Variants in ADAM22 observed in about 807,000 individuals in gnomAD.
The protein encoded by ADAM22 is ADAM metallopeptidase domain 22.
A neutral mutation model predicts 144.6 loss-of-function variants in ADAM22; 65 were observed. That is an observed-to-expected ratio of 0.45 (90% CI 0.37 to 0.55). ADAM22 has a LOEUF of 0.55. Among genes scored for constraint, ADAM22 ranks in the 20% least tolerant of loss-of-function variants. ADAM22 has a pLI of 0.00. For synonymous variants in ADAM22, 391 were observed against 412.6 expected (o/e 0.95, Z 0.63); for missense variants, 974 against 1,184.9 (o/e 0.82, Z 2.61).
intron 5 of ADAM22, 127 bp downstream of exon 5, chr7:88,108,385 ATTTT>A (rs373263735): frequency 1.4e-6 from 1 of 692,688 alleles, no homozygotes; most frequent in African/African-American, 1.9e-5. Context: ...GATGGATCTG[ATTTT>A]TTTTTTCTCT....
At position 88,062,358 on chromosome 7, in the gene ADAM22, A is replaced by C. The variant is rs149089624; in HGVS notation, c.324-13268A>C. Among the ~76,000 whole-genome samples the C allele has an allele frequency of 1.5e-3, 227 of 152,322 alleles. 1 individual carries two copies. The highest frequency in any genetic ancestry group is 2.5e-3 in the Non-Finnish European group (172 of 68,032). ...TTTACCTTGTAATTTTATATTGTGG[A>C]GACTGCTTCCTTCTTTAAACCTCAT... On this transcript the variant is annotated intron_variant, in intron 3 of 31. Transcript: ENST00000413139.
rs2129475372 is a variant in ADAM22, at chr7:88,054,511, C to T, written c.324-21115C>T. On this transcript the variant is annotated intron_variant, in intron 3 of 31. Transcript: ENST00000413139. ...AGACTCAGATCTATCATACATTCAT[C>T]TTAGAAACATCCTTGCTCCATAATC... 2.0e-5 allele frequency among the ~76,000 whole-genome samples: 3 copies of T among 152,046 alleles called. No homozygotes were observed. In the Middle Eastern group the frequency reaches 0.01, roughly 517 times the overall value.
intron 2 of ADAM22, among the ~76,000 whole-genome samples, chr7:87,971,919 G>A (rs886682370): frequency 2.0e-4 from 31 of 152,144 alleles, no homozygotes; most frequent in Non-Finnish European, 4.4e-4. Context: ...GGCCGGGTGC[G>A]GTGGCTCATG....
At chr7:88,091,285 T>C (rs1356908252) in intron 4 of ADAM22, among the ~76,000 whole-genome samples, 1 of 152,198 alleles carries the variant, frequency 6.6e-6, no homozygotes, top group Admixed American at 6.6e-5. Flanking sequence ...TTTTAGTTAA[T>C]GACACTCATC....
intron 4 of ADAM22, among the ~76,000 whole-genome samples, chr7:88,082,690 C>T (rs560800083): frequency 1.3e-4 from 20 of 152,288 alleles, no homozygotes; most frequent in African/African-American, 4.8e-4. Flanking sequence ...TATGAACAGA[C>T]ACTTCTCAAA....
At chr7:88,196,013 G>T (rs755753948) in intron 31 of ADAM22, among the ~76,000 whole-genome samples, 1 of 152,222 alleles carries the variant, frequency 6.6e-6, no homozygotes. Flanking sequence ...TTTTGATTTA[G>T]TTGGTCTGGT....
chr7:87,976,638 C>A (rs539973597), intron 2 of ADAM22, among the ~76,000 whole-genome samples: 7 of 152,118 alleles, frequency 4.6e-5, no homozygotes, highest in Admixed American at 1.3e-4. Context: ...TGAGTAGGGC[C>A]GTTTCTGGGA....
chr7:88,184,216 C>A, intron 29 of ADAM22: 1 of 215,048 alleles, frequency 4.7e-6, no homozygotes, highest in South Asian at 4.8e-5. Context: ...AAAACTTTTG[C>A]ATCTTCCTCA....
At chr7:87,942,100 A>G (rs1447285914) in intron 2 of ADAM22, among the ~76,000 whole-genome samples, 2 of 152,160 alleles carry the variant, frequency 1.3e-5, no homozygotes, top group Non-Finnish European at 2.9e-5. Context: ...CCCAAAGGGA[A>G]AGAAGATAGA....
At chr7:87,977,538 C>T (rs1331737922) in intron 2 of ADAM22, among the ~76,000 whole-genome samples, 2 of 152,178 alleles carry the variant, frequency 1.3e-5, no homozygotes, top group East Asian at 3.8e-4. Flanking sequence ...AATTTGGAGT[C>T]CTACTGTTTG....
At chr7:88,094,765 T>C (rs1284368643) in intron 4 of ADAM22, among the ~76,000 whole-genome samples, 1 of 152,184 alleles carries the variant, frequency 6.6e-6, no homozygotes, top group East Asian at 1.9e-4. Context: ...CTGCTGTCTT[T>C]CTGATTAAAT....
intron 14 of ADAM22, among the ~76,000 whole-genome samples, chr7:88,136,717 G>A (rs991574879): frequency 6.6e-6 from 1 of 151,054 alleles, no homozygotes; most frequent in African/African-American, 2.4e-5. Context: ...GTATAAATTC[G>A]GTTCAGTGTT....
chr7:88,178,637 A>G (rs3789241), intron 26 of ADAM22, among the ~76,000 whole-genome samples: 11,016 of 152,170 alleles, frequency 0.072, 565 homozygotes, highest in East Asian at 0.22. Context: ...ACAAAAATGC[A>G]CTTAACATTT....
chr7:87,969,344 G>C (rs1193334734), intron 2 of ADAM22, among the ~76,000 whole-genome samples: 1 of 152,142 alleles, frequency 6.6e-6, no homozygotes, highest in Non-Finnish European at 1.5e-5. Flanking sequence ...TCAATCTGAG[G>C]AGCACCAATG....
At chr7:87,985,525 G>C (rs1008898783) in intron 3 of ADAM22, among the ~76,000 whole-genome samples, 1 of 152,032 alleles carries the variant, frequency 6.6e-6, no homozygotes, top group Non-Finnish European at 1.5e-5. Context: ...TCTACTTTCT[G>C]TCTTTATAAA....
At chr7:88,195,799 G>A (rs769756326) in intron 31 of ADAM22, among the ~76,000 whole-genome samples, 81 of 152,062 alleles carry the variant, frequency 5.3e-4, no homozygotes, top group Middle Eastern at 3.4e-3. Context: ...TTACAGGCGT[G>A]AGCCACCACG....
At chr7:87,939,786 A>G (rs1412425975) in intron 2 of ADAM22, among the ~76,000 whole-genome samples, 3 of 152,226 alleles carry the variant, frequency 2.0e-5, no homozygotes, top group Non-Finnish European at 4.4e-5. Flanking sequence ...TCCCAGAAGT[A>G]TGTTAGAAAT....
At chr7:88,050,583 C>G (rs1397385626) in intron 3 of ADAM22, among the ~76,000 whole-genome samples, 2 of 151,094 alleles carry the variant, frequency 1.3e-5, no homozygotes, top group Non-Finnish European at 2.9e-5. Context: ...CCTGATTTTT[C>G]TTTGATTTGC....
chr7:87,955,700 T>A (rs1464707560), intron 2 of ADAM22, among the ~76,000 whole-genome samples: 1 of 152,208 alleles, frequency 6.6e-6, no homozygotes, highest in Admixed American at 6.5e-5. Flanking sequence ...AGGTTACTGC[T>A]GTCTTTTTGT....
Sources: allele counts gnomAD v4.1 joint callset (sites outside exome capture counted in the v4.1 genomes callset), GRCh38; gene constraint gnomAD v4.1.1; transcripts MANE v1.5; gene names NCBI Gene and HGNC (gene_info 2026-07-23, HGNC 2026-07-21).